The following DPP6 variants were observed in gnomAD, a reference collection of about 807,000 sequenced individuals.
The protein encoded by DPP6 is A-type potassium channel modulatory protein DPP6.
In DPP6, 69 loss-of-function variants were observed where a neutral mutation model predicts 122.6. That is an observed-to-expected ratio of 0.56 (90% CI 0.46 to 0.69). The LOEUF (loss-of-function observed/expected upper bound fraction) is 0.69. Among genes scored for constraint, DPP6 ranks in the 30% least tolerant of loss-of-function variants. The pLI is 0.00. For missense variants in DPP6, 928 were observed against 1,116.9 expected (o/e 0.83, Z 2.41); for synonymous variants, 418 against 433.1 (o/e 0.97, Z 0.43).
At chr7:153,789,439 C>T in the DPP6 span, among the ~76,000 whole-genome samples, 11 of 152,266 alleles carry the variant, frequency 7.2e-5, no homozygotes, top group East Asian at 1.9e-3. Flanking sequence ...TGACTTTGCA[C>T]AACCATACCT....
chr7:154,349,562 G>A (rs993487264), intron 1 of DPP6, among the ~76,000 whole-genome samples: 12 of 152,126 alleles, frequency 7.9e-5, no homozygotes, highest in African/African-American at 1.7e-4. Flanking sequence ...CCTTTAATAC[G>A]GCTGGGTATG....
At chr7:153,860,146 C>T in the DPP6 span, among the ~76,000 whole-genome samples, 26 of 152,288 alleles carry the variant, frequency 1.7e-4, no homozygotes, top group African/African-American at 6.3e-4. Context: ...CCAAAGCCTG[C>T]ACCATCTATT....
At chr7:154,717,350 C>G (rs954147240) in intron 7 of DPP6, among the ~76,000 whole-genome samples, 2 of 151,838 alleles carry the variant, frequency 1.3e-5, no homozygotes, top group African/African-American at 4.8e-5. Context: ...GTAACATTGA[C>G]CAGTCTCTCC....
At chr7:154,888,314 C>T (rs1234758457) in intron 23 of DPP6, among the ~76,000 whole-genome samples, 1 of 152,092 alleles carries the variant, frequency 6.6e-6, no homozygotes, top group African/African-American at 2.4e-5. Flanking sequence ...GTCTCCAACC[C>T]CTGACCTCAG....
chr7:154,499,590 C>T (rs762293619), intron 3 of DPP6, among the ~76,000 whole-genome samples: 2 of 151,946 alleles, frequency 1.3e-5, no homozygotes, highest in Admixed American at 6.6e-5. Context: ...TTTAGGACAC[C>T]ACACCTTTTC....
At chr7:154,744,638 C>T (rs1842959318) in intron 8 of DPP6, among the ~76,000 whole-genome samples, 1 of 152,228 alleles carries the variant, frequency 6.6e-6, no homozygotes, top group South Asian at 2.1e-4. Context: ...TTTAACCCCC[C>T]ATTTAATTCT....
intron 1 of DPP6, among the ~76,000 whole-genome samples, chr7:153,916,328 C>T (rs934521451): frequency 2.7e-5 from 4 of 150,418 alleles, no homozygotes; most frequent in African/African-American, 9.8e-5. Context: ...CAGTCAGTCA[C>T]ATTTTCTTCC....
intron 1 of DPP6, among the ~76,000 whole-genome samples, chr7:154,124,863 C>A (rs543003159): frequency 1.3e-5 from 2 of 151,946 alleles, no homozygotes; most frequent in African/African-American, 2.4e-5. Flanking sequence ...GGCCTGGACT[C>A]GAAATAAAAT....
At chr7:154,809,866 TTTG>T (rs200841399) in intron 16 of DPP6, among the ~76,000 whole-genome samples, 3 of 152,212 alleles carry the variant, frequency 2.0e-5, no homozygotes, top group South Asian at 2.1e-4. Context: ...CAACAGCTTA[TTTG>T]TTGTTGTTGT....
rs180751171 is a variant in DPP6, at chr7:154,879,248, A to G, written c.2079-1640A>G. On this transcript the variant is annotated intron_variant, in intron 20 of 25. Coordinates refer to ENST00000377770, the MANE Select transcript of DPP6 (RefSeq NM_130797.4). The stretch of plus-strand genomic sequence containing the variant: ...ACCGGAGTCCAGGAGTTCAATCAAG[A>G]CCAGCTGGCCAACATGGTGAAACCC... Among the ~76,000 whole-genome samples the G allele has an allele frequency of 2.6e-4, 39 of 151,602 alleles. 4 individuals carry two copies. Among genetic ancestry groups the G allele is most frequent in the African/African-American group, 9.4e-4 (39 of 41,308 alleles).
chr7:154,256,136 G>T (rs984887396), intron 1 of DPP6, among the ~76,000 whole-genome samples: 1 of 152,170 alleles, frequency 6.6e-6, no homozygotes, highest in African/African-American at 2.4e-5. Context: ...AACATGATTT[G>T]ATTAAAGTCT....
intron 1 of DPP6, among the ~76,000 whole-genome samples, chr7:153,917,733 TG>T (rs1179272466): frequency 6.6e-6 from 1 of 152,170 alleles, no homozygotes. Context: ...ATGCGAAGGG[TG>T]GATAGGTACC....
chr7:154,558,807 G>A (rs1830218904), intron 4 of DPP6, among the ~76,000 whole-genome samples: 1 of 152,152 alleles, frequency 6.6e-6, no homozygotes, highest in African/African-American at 2.4e-5. Context: ...ATATTGTTAA[G>A]TGATGCATGA....
chr7:154,671,009 C>T (rs1304792220), intron 7 of DPP6, among the ~76,000 whole-genome samples: 2 of 152,156 alleles, frequency 1.3e-5, no homozygotes, highest in African/African-American at 2.4e-5. Flanking sequence ...TGAGAGCTGA[C>T]CTTGACCGAG....
chr7:153,794,734 C>T, the DPP6 span, among the ~76,000 whole-genome samples: 2 of 152,114 alleles, frequency 1.3e-5, no homozygotes, highest in African/African-American at 4.8e-5. Context: ...AATTGTATCT[C>T]TCAGAATTTC....
the DPP6 span, among the ~76,000 whole-genome samples, chr7:153,750,378 C>G: frequency 6.9e-6 from 1 of 144,028 alleles, no homozygotes; most frequent in Non-Finnish European, 1.5e-5. Context: ...TAAAATTTTT[C>G]AATTAAAAAT....
At chr7:154,808,861 A>G (rs1427044259) in intron 16 of DPP6, among the ~76,000 whole-genome samples, 1 of 152,176 alleles carries the variant, frequency 6.6e-6, no homozygotes, top group Non-Finnish European at 1.5e-5. Flanking sequence ...GATCAAACAC[A>G]GAAGTGAAAA....
At chr7:153,909,259 C>T (rs773522324) in intron 1 of DPP6, among the ~76,000 whole-genome samples, 11 of 152,194 alleles carry the variant, frequency 7.2e-5, no homozygotes, top group Non-Finnish European at 1.3e-4. Flanking sequence ...ACAGCTTGTG[C>T]GGAAAATTAC....
At chr7:154,142,652 T>C (rs530919033) in intron 1 of DPP6, among the ~76,000 whole-genome samples, 51 of 152,350 alleles carry the variant, frequency 3.3e-4, no homozygotes, top group Middle Eastern at 3.4e-3. Context: ...TCACATGGAC[T>C]TCCATTGTGA....
Sources: allele counts gnomAD v4.1 joint callset (sites outside exome capture counted in the v4.1 genomes callset), GRCh38; gene constraint gnomAD v4.1.1; transcripts MANE v1.5; gene names NCBI Gene and HGNC (gene_info 2026-07-23, HGNC 2026-07-21).